GLI2: variants seen among roughly 807,000 people sequenced by gnomAD.
The protein encoded by GLI2 is GLI family zinc finger 2.
GLI2 carries 22 observed loss-of-function variants against 78.9 expected under a neutral mutation model. That is an observed-to-expected ratio of 0.28 (90% CI 0.20 to 0.40). The LOEUF is 0.40. Among genes scored for constraint, GLI2 ranks in the 10% least tolerant of loss-of-function variants. The pLI is 1.00. For missense variants in GLI2, 2,097 were observed against 2,213.2 expected (o/e 0.95, Z 1.05); for synonymous variants, 974 against 963.7 (o/e 1.01, Z -0.20).
In GLI2 at chr2:120,890,557, A is replaced by C. The variant is rs13387893; in HGVS notation, c.149-36804A>C. Among the ~76,000 whole-genome samples the C allele has an allele frequency of 5.7e-3, 872 of 152,310 alleles. 10 individuals are homozygous for C. Among genetic ancestry groups the C allele is most frequent in the African/African-American group, 0.019 (806 of 41,566 alleles). The stretch of plus-strand genomic sequence containing the variant: ...AACAAGGCAGATGCATTGTATCACT[A>C]TCAGTATCTTGATTCTGATATTGCA... On this transcript the variant is annotated intron_variant, in intron 2 of 13. Coordinates refer to ENST00000361492, the MANE Select transcript of GLI2 (RefSeq NM_001374353.1).
At chr2:120,772,122 G>A (rs79971795) in intron 1 of GLI2, among the ~76,000 whole-genome samples, 1 of 152,166 alleles carries the variant, frequency 6.6e-6, no homozygotes, top group Non-Finnish European at 1.5e-5. Flanking sequence ...GATTGATAGA[G>A]ATTGCCTGGT....
intron 5 of GLI2, among the ~76,000 whole-genome samples, chr2:120,964,975 T>C (rs891019823): frequency 6.6e-6 from 1 of 152,270 alleles, no homozygotes; most frequent in African/African-American, 2.4e-5. Context: ...ATAGTTGCTT[T>C]GCTGCTTATC....
chr2:120,771,875 G>A (rs1683531976), intron 1 of GLI2, among the ~76,000 whole-genome samples: 1 of 152,284 alleles, frequency 6.6e-6, no homozygotes, highest in African/African-American at 2.4e-5. Flanking sequence ...CATGGCCAAC[G>A]CCCACGGTGC....
At chr2:120,863,902 A>G (rs1688012842) in intron 2 of GLI2, among the ~76,000 whole-genome samples, 3 of 152,160 alleles carry the variant, frequency 2.0e-5, no homozygotes. Flanking sequence ...CAATGTGAAC[A>G]GGAGAGAGGG....
At chr2:120,985,869 C>T (rs1284863025) in intron 12 of GLI2, among the ~76,000 whole-genome samples, 4 of 152,212 alleles carry the variant, frequency 2.6e-5, no homozygotes, top group African/African-American at 9.6e-5. Flanking sequence ...CTGCCCCTGG[C>T]CTTTTGAGAT....
intron 4 of GLI2, among the ~76,000 whole-genome samples, chr2:120,953,460 G>A (rs1028174118): frequency 2.6e-5 from 4 of 152,216 alleles, no homozygotes; most frequent in African/African-American, 9.6e-5. Context: ...AAGTTCTGTT[G>A]TTTTAACAAC....
chr2:120,956,139 A>C (rs971337016), intron 5 of GLI2, among the ~76,000 whole-genome samples: 10 of 152,172 alleles, frequency 6.6e-5, no homozygotes, highest in African/African-American at 2.4e-4. Context: ...CAGGAGGTCC[A>C]GTTGGTAGAG....
intron 1 of GLI2, among the ~76,000 whole-genome samples, chr2:120,752,116 T>A (rs1408003810): frequency 6.6e-6 from 1 of 152,194 alleles, no homozygotes; most frequent in Admixed American, 6.5e-5. Flanking sequence ...TATCATTTAT[T>A]TTTACACCAG....
intron 2 of GLI2, among the ~76,000 whole-genome samples, chr2:120,799,468 G>A (rs756945023): frequency 1.3e-5 from 2 of 152,230 alleles, no homozygotes; most frequent in African/African-American, 2.4e-5. Context: ...ACCCATCGCT[G>A]CTCCCTGCAC....
At chr2:120,739,478 A>T (rs764960459) in intron 1 of GLI2, among the ~76,000 whole-genome samples, 2 of 152,178 alleles carry the variant, frequency 1.3e-5, no homozygotes, top group Non-Finnish European at 2.9e-5. Flanking sequence ...TTCCTGGGGA[A>T]AGTGTGTTTA....
rs768879101 is a variant in GLI2, at chr2:120,841,888, T to TGTGTGTGTGTGTGTGTGA, written c.148+44421_148+44422insTGTGTGTGTGTGTGTGAG. ...GTGTGTGTGTGTGTGTGTGTGTGTG[T>TGTGTGTGTGTGTGTGTGA]GATGCTGGGCTCTGGGAAAGATAAA... On this transcript the variant is annotated intron_variant, in intron 2 of 13. Coordinates refer to ENST00000361492, the MANE Select transcript of GLI2 (RefSeq NM_001374353.1). Among the ~76,000 whole-genome samples the TGTGTGTGTGTGTGTGTGA allele has an allele frequency of 2.8e-3, 424 of 150,878 alleles. 1 individual carries two copies. The highest frequency in any genetic ancestry group is 5.3e-3 in the Admixed American group (81 of 15,144).
chr2:120,810,337 G>T (rs1460256553), intron 2 of GLI2, among the ~76,000 whole-genome samples: 3 of 152,230 alleles, frequency 2.0e-5, no homozygotes, highest in Non-Finnish European at 4.4e-5. Context: ...CAGTGGGCAA[G>T]CCCCAGACAG....
At position 120,975,036 on chromosome 2, in the gene GLI2, T is replaced by A; in HGVS notation, c.1244T>A (p.Val415Glu). Residue 415 changes from valine (V) to glutamate (E), a missense_variant, in exon 9 of 14, where the codon GTG (valine) becomes GAG (glutamate). Physicochemically the swap from Val to Glu is moderately radical, Grantham distance 121 (BLOSUM62 -2). Around this residue, in one of 5 missense-constraint regions of GLI2, gnomAD observed 578 missense variants for 612.0 expected, o/e 0.94. Coordinates refer to ENST00000361492, the MANE Select transcript of GLI2 (RefSeq NM_001374353.1). The stretch of plus-strand genomic sequence containing the variant: ...GATGACTGTAAGCAGGAGGCTGAGG[T>A]GGTCATCTATGAGACCAACTGCCAC... ...DRDDCKQEAE[V>E]VIYETNCHWE... The A allele has an allele frequency of 1.2e-6, 2 of 1,614,022 alleles. No individual in the cohort carries two copies. The highest frequency in any genetic ancestry group is 1.7e-6 in the Non-Finnish European group (2 of 1,180,004).
In GLI2 at chr2:120,736,029, A is replaced by C. The variant is rs993667433; in HGVS notation, c.-287A>C. On this transcript the variant is annotated 5_prime_UTR_variant, in exon 1 of 14. Coordinates refer to ENST00000361492, the MANE Select transcript of GLI2 (RefSeq NM_001374353.1). ...GGCCAGGAGCCGCAGGAGGAGCCGG[A>C]GGAAAGAGCTTGGGCCGCGCGGCGC... is the stretch of plus-strand genomic sequence containing the variant. Among the ~76,000 whole-genome samples the C allele has an allele frequency of 6.6e-6, 1 of 151,534 alleles. No individual in the cohort carries two copies. The highest frequency in any genetic ancestry group is 1.5e-5 in the Non-Finnish European group (1 of 67,886).
At chr2:120,821,236 T>C (rs983847311) in intron 2 of GLI2, among the ~76,000 whole-genome samples, 5 of 152,154 alleles carry the variant, frequency 3.3e-5, no homozygotes, top group Non-Finnish European at 7.3e-5. Flanking sequence ...AGGAGGGTTC[T>C]TGGCCCCTAG....
intron 3 of GLI2, among the ~76,000 whole-genome samples, chr2:120,932,745 A>G (rs1052641602): frequency 1.3e-5 from 2 of 152,218 alleles, no homozygotes; most frequent in African/African-American, 4.8e-5. Flanking sequence ...ATGAGCAACA[A>G]TCGTGATCAT....
At chr2:120,809,347 G>T (rs1025626963) in intron 2 of GLI2, among the ~76,000 whole-genome samples, 1 of 152,236 alleles carries the variant, frequency 6.6e-6, no homozygotes, top group Admixed American at 6.5e-5. Flanking sequence ...ATGAGGAGGT[G>T]CCAGGGGCTG....
chr2:120,877,003 A>C (rs1688783889), intron 2 of GLI2, among the ~76,000 whole-genome samples: 1 of 152,202 alleles, frequency 6.6e-6, no homozygotes, highest in African/African-American at 2.4e-5. Flanking sequence ...CTCAGTAGGC[A>C]GCAGTAAGTT....
chr2:120,813,295 G>T (rs952194968), intron 2 of GLI2, among the ~76,000 whole-genome samples: 2 of 152,236 alleles, frequency 1.3e-5, no homozygotes, highest in African/African-American at 4.8e-5. Context: ...CATTGCTTTG[G>T]GGAAGAAGGG....
Sources: gnomAD v4.1 joint callset for allele counts (sites outside exome capture counted in the v4.1 genomes callset) on GRCh38, gnomAD v4.1.1 for gene constraint, gnomAD v4.1.1 regional missense constraint, MANE v1.5 for transcripts, NCBI Gene and HGNC (gene_info 2026-07-23, HGNC 2026-07-21) for gene names.